The following DMXL2 variants were observed in gnomAD, a reference collection of about 807,000 sequenced individuals.
DMXL2 encodes dmX-like protein 2.
Under a neutral mutation model 331.1 loss-of-function variants are expected in DMXL2, and 103 were observed. The ratio of observed to expected loss-of-function variants is 0.31; its 90% CI spans 0.27 to 0.37. The LOEUF (loss-of-function observed/expected upper bound fraction) is 0.37. Ranked by LOEUF, DMXL2 falls within the 10% of genes least tolerant of loss-of-function variation. The probability of loss-of-function intolerance (pLI) is 1.00; values close to 1 mark genes in which losing one functional copy is unlikely to be tolerated. For missense variants in DMXL2, 3,171 were observed against 3,642.9 expected (o/e 0.87, Z 3.33); for synonymous variants, 1,281 against 1,252.1 (o/e 1.02, Z -0.49).
At chr15:51,491,512 A>T in intron 20 of DMXL2, 66 bp downstream of exon 20, 1 of 1,461,986 alleles carries the variant, frequency 6.8e-7, no homozygotes, top group Non-Finnish European at 9.3e-7. Context: ...TCTGGGAGAT[A>T]GTATCTTTTT....
intron 1 of DMXL2, among the ~76,000 whole-genome samples, chr15:51,609,118 T>C (rs545776716): frequency 1.3e-5 from 2 of 152,278 alleles, no homozygotes. Context: ...ATCCTGTAAT[T>C]TCTAGAGTAA....
intron 22 of DMXL2, 111 bp downstream of exon 22, chr15:51,487,843 A>G (rs958158368): frequency 2.6e-5 from 23 of 876,248 alleles, no homozygotes; most frequent in Non-Finnish European, 3.6e-5. Context: ...CAACCTCTGT[A>G]GTTATTCTGT....
intron 1 of DMXL2, among the ~76,000 whole-genome samples, chr15:51,618,136 C>T (rs2054401184): frequency 6.6e-6 from 1 of 152,156 alleles, no homozygotes; most frequent in Non-Finnish European, 1.5e-5. Flanking sequence ...CTAACCAACC[C>T]CTTGATTCCC....
chr15:51,522,644 C>CA (rs1327052317), intron 13 of DMXL2, among the ~76,000 whole-genome samples: 1 of 151,926 alleles, frequency 6.6e-6, no homozygotes, highest in African/African-American at 2.4e-5. Flanking sequence ...GACTCTGTCT[C>CA]AAAAAAATAA....
rs551315896 is a variant in DMXL2 at position 51,580,455 on chromosome 15, T to C, written c.88-4274A>G. ...ATTATAGGGAGGCAAGGAAAAGGAC[T>C]GCAAGCCTTTTCTGGAGAAATGGAA... On this transcript the variant is annotated intron_variant, in intron 1 of 43. Coordinates refer to ENST00000560891, the MANE Select transcript of DMXL2 (RefSeq NM_001378457.1). 2.8e-4 allele frequency among the ~76,000 whole-genome samples: 42 copies of C among 152,310 alleles called. 1 individual carries two copies. Among genetic ancestry groups the C allele is most frequent in the African/African-American group, 9.6e-4 (40 of 41,568 alleles).
At chr15:51,622,131 G>C (rs2054680256) in intron 1 of DMXL2, among the ~76,000 whole-genome samples, 1 of 152,182 alleles carries the variant, frequency 6.6e-6, no homozygotes, top group Non-Finnish European at 1.5e-5. Flanking sequence ...TGGGGTTTCA[G>C]CCGCACCACC....
chr15:51,457,485 T>C lies in DMXL2; in HGVS notation c.8199-19A>G. On this transcript the variant is annotated intron_variant, in intron 36 of 43. Coordinates refer to ENST00000560891, the MANE Select transcript of DMXL2 (RefSeq NM_001378457.1). ...ATCTGAACTGTGAAAAACATTCATG[T>C]GTTACTGTGAACATTCCCTTTTCTC... 2 of 1,613,196 alleles carry C rather than the reference T, an allele frequency of 1.2e-6. No homozygotes were observed. Among genetic ancestry groups the C allele is most frequent in the Non-Finnish European group, 1.7e-6 (2 of 1,179,382 alleles).
chr15:51,523,947 CAGA>C (rs1321078303), intron 13 of DMXL2, among the ~76,000 whole-genome samples: 4 of 152,200 alleles, frequency 2.6e-5, no homozygotes, highest in Non-Finnish European at 4.4e-5. Flanking sequence ...AGTAAAGATA[CAGA>C]AGAACTCAAC....
At chr15:51,563,254 T>A (rs2050076787) in intron 6 of DMXL2, 127 bp downstream of exon 6, 1 of 778,936 alleles carries the variant, frequency 1.3e-6, no homozygotes. Context: ...CTTTTATTCT[T>A]CAGGCCAGCT....
At position 51,457,312 on chromosome 15, in the gene DMXL2, TA is replaced by T. The variant is rs766166489; in HGVS notation, c.8337+15del. 1.2e-6 allele frequency: 2 copies of T among 1,608,234 alleles called. No homozygotes were observed. The highest frequency in any genetic ancestry group is 1.7e-6 in the Non-Finnish European group (2 of 1,177,896). ...AGTCCAAATCCAGAAATGATACCTA[TA>T]AGTAAATAACATACCACACTAGCTC... On this transcript the variant is annotated intron_variant, in intron 37 of 43. Transcript: ENST00000560891.
Position 51,459,548 on chromosome 15 carries a change from G to C in DMXL2, c.7989+50C>G, listed in dbSNP as rs1435822390. 2.3e-6 allele frequency: 3 copies of C among 1,280,130 alleles called. No homozygotes were observed. In the African/African-American group the frequency reaches 4.6e-5, roughly 20 times the overall value. 79.3% of individuals were successfully genotyped at this position (1,280,130 alleles called of 1,614,324 possible). ...GGTTAGTATCAGAGATGAGGCGTTA[G>C]CTCCTTGAACTTTAAAGAATGAGCT... On this transcript the variant is annotated intron_variant, in intron 34 of 43. Transcript: ENST00000560891.
chr15:51,549,536 G>A (rs2049079434), intron 6 of DMXL2, among the ~76,000 whole-genome samples: 1 of 152,072 alleles, frequency 6.6e-6, no homozygotes, highest in Admixed American at 6.6e-5. Context: ...GGAATTTCCA[G>A]AGTTTTCCAT....
chr15:51,493,131 A>T (rs555626586), intron 19 of DMXL2, among the ~76,000 whole-genome samples: 1 of 152,270 alleles, frequency 6.6e-6, no homozygotes, highest in South Asian at 2.1e-4. Context: ...TAATAAAATA[A>T]ATTTAGTTTT....
chr15:51,556,355 G>GAAAAAAAAAAAAAAAAAAAAA (rs59460472), intron 6 of DMXL2, among the ~76,000 whole-genome samples: 1 of 118,978 alleles, frequency 8.4e-6, no homozygotes, highest in African/African-American at 3.1e-5. Flanking sequence ...AAAAAAAAAA[G>GAAAAAAAAAAAAAAAAAAAAA]AAAAAAAAAA....
At position 51,470,171 on chromosome 15, in the gene DMXL2, C is replaced by T. The variant is rs138482472; in HGVS notation, c.7392+1052G>A. The stretch of plus-strand genomic sequence containing the variant: ...TTTTTTTTGAGACACTGTCTCAGTC[C>T]GACACCCAGGCTGGTGTGCAGTGGC... On this transcript the variant is annotated intron_variant, in intron 29 of 43. Coordinates refer to ENST00000560891, the MANE Select transcript of DMXL2 (RefSeq NM_001378457.1). Among the ~76,000 whole-genome samples the T allele has an allele frequency of 5.0e-3, 754 of 152,198 alleles. 5 individuals carry two copies. Among genetic ancestry groups the T allele is most frequent in the African/African-American group, 0.017 (723 of 41,532 alleles).
intron 43 of DMXL2, 34 bp from the exon 44 acceptor site, chr15:51,449,227 A>G: frequency 6.2e-7 from 1 of 1,608,166 alleles, no homozygotes; most frequent in Non-Finnish European, 8.5e-7. Flanking sequence ...AAAATATATT[A>G]CGAAAAGACC....
chr15:51,449,301 C>T, intron 43 of DMXL2, 108 bp from the exon 44 acceptor site: 2 of 939,296 alleles, frequency 2.1e-6, no homozygotes, highest in South Asian at 1.5e-5. Context: ...CCCAACCTTC[C>T]CACCCACTGC....
intron 9 of DMXL2, among the ~76,000 whole-genome samples, chr15:51,541,493 A>G (rs1277268505): frequency 6.6e-6 from 1 of 152,158 alleles, no homozygotes; most frequent in Non-Finnish European, 1.5e-5. Flanking sequence ...AAGTGCTCAA[A>G]TAGCTAATAC....
chr15:51,502,918 T>C lies in DMXL2; in HGVS notation c.2880A>G (p.Ser960=). 6.2e-7 allele frequency: 1 copy of C among 1,614,094 alleles called. No individual in the cohort carries two copies. The highest frequency in any genetic ancestry group is 8.5e-7 in the Non-Finnish European group (1 of 1,179,982). ...TACTGGCAGTTTGAAGATTGGCAAT[T>C]GATGAAGAATGTGGCATGGGGCTCA... ...PSVSPMPHSS[S]IANLQTASKL... Residue 960 remains serine (S), a synonymous_variant, in exon 17 of 44, where the codon TCA becomes TCG. Coordinates refer to ENST00000560891, the MANE Select transcript of DMXL2 (RefSeq NM_001378457.1).
Sources: allele counts gnomAD v4.1 joint callset (sites outside exome capture counted in the v4.1 genomes callset), GRCh38; gene constraint gnomAD v4.1.1; transcripts MANE v1.5; gene names NCBI Gene and HGNC (gene_info 2026-07-23, HGNC 2026-07-21).